The following LRRC9 variants were observed in gnomAD, a reference collection of about 807,000 sequenced individuals.
The protein encoded by LRRC9 is leucine-rich repeat-containing protein 9.
LRRC9 carries 122 observed loss-of-function variants against 63.2 expected under a neutral mutation model. The ratio of observed to expected loss-of-function variants is 1.93; its 90% CI spans 1.67 to 2.24. The LOEUF is 2.24. Among genes scored for constraint, LRRC9 ranks in the 30% most tolerant of loss-of-function variants. The pLI, the probability that LRRC9 is intolerant of heterozygous loss-of-function variation, is 0.00. For missense variants in LRRC9, 1,071 were observed against 627.7 expected, an observed-to-expected ratio of 1.71 and a Z score of -7.55; for synonymous variants, 366 against 213.1, an observed-to-expected ratio of 1.72 and a Z score of -6.25.
intron 31 of LRRC9, among the ~76,000 whole-genome samples, chr14:60,059,363 C>A (rs1453814408): frequency 6.6e-6 from 1 of 152,042 alleles, no homozygotes; most frequent in Non-Finnish European, 1.5e-5. Context: ...ATTAATAACC[C>A]TACAATGACT....
chr14:59,986,222 A>G lies in LRRC9; in HGVS notation c.2211+998A>G, dbSNP rs536574004. Reference sequence around the variant, plus strand: ...TCTGGCTTTTATTTTGTTATACATCATATAACAAAAATAATTACATATGTG... The same window carrying G: ...TCTGGCTTTTATTTTGTTATACATCGTATAACAAAAATAATTACATATGTG... On this transcript the variant is annotated intron_variant, in intron 17 of 31. Coordinates refer to ENST00000445360, the Ensembl canonical transcript of LRRC9. This position sits in a 1 kb window ranked among gnomAD's most constrained non-coding sequence, Gnocchi z 4.7. Among the ~76,000 whole-genome samples, 4 of 152,300 alleles carry G rather than the reference A, an allele frequency of 2.6e-5. No homozygotes were observed. In the South Asian group the frequency reaches 8.3e-4, roughly 32 times the overall value.
At chr14:60,010,150 G>A (rs1890145274) in intron 23 of LRRC9, among the ~76,000 whole-genome samples, 1 of 152,238 alleles carries the variant, frequency 6.6e-6, no homozygotes, top group South Asian at 2.1e-4. Flanking sequence ...GGGACTCTGT[G>A]TGGGGGCTCC....
At position 59,982,048 on chromosome 14, in the gene LRRC9, C is replaced by G; in HGVS notation, c.2079C>G (p.Tyr693Ter). 1.4e-6 allele frequency: 1 copy of G among 701,096 alleles called. No individual in the cohort carries two copies. The highest frequency in any genetic ancestry group is 2.6e-6 in the Non-Finnish European group (1 of 384,406). 43.4% of individuals were successfully genotyped at this position (701,096 alleles called of 1,614,324 possible). A position where few individuals can be genotyped will look rare whatever the true frequency, so the allele number is the denominator to read the frequency against. Residue 693 changes from tyrosine (Y) to a stop codon, truncating the protein, a stop_gained, in exon 16 of 32, where the codon TAC becomes TAG. Coordinates refer to ENST00000445360, the Ensembl canonical transcript of LRRC9. LOFTEE classifies it high-confidence loss of function. Reference sequence around the variant, plus strand: ...TTTCCCTTGCAAAGACTAGCGTTTACAGTCATATTGTGGTGAGTATTGTGA... The same window carrying G: ...TTTCCCTTGCAAAGACTAGCGTTTAGAGTCATATTGTGGTGAGTATTGTGA...
rs534703516 is a variant in LRRC9 at position 60,051,045 on chromosome 14, G to A, written c.3991-2020G>A. On this transcript the variant is annotated intron_variant, in intron 29 of 31. Transcript: ENST00000445360. This position sits in a 1 kb window ranked among gnomAD's most constrained non-coding sequence, Gnocchi z 4.7. ...GACCCCTGTTAAGAGTTCTCACCCA[G>A]TCAGGAGGAACAGGATCAAGGACAC... 5.3e-5 allele frequency among the ~76,000 whole-genome samples: 8 copies of A among 152,318 alleles called. No individual in the cohort carries two copies. Among genetic ancestry groups the A allele is most frequent in the Admixed American group, 5.2e-4 (8 of 15,306 alleles).
intron 29 of LRRC9, among the ~76,000 whole-genome samples, chr14:60,044,976 G>A (rs1253702026): frequency 2.7e-5 from 4 of 150,526 alleles, no homozygotes; most frequent in African/African-American, 9.7e-5. Context: ...CTAGTGTTCA[G>A]TGCATAGATA....
chr14:60,036,813 C>T (rs751392128), intron 29 of LRRC9, among the ~76,000 whole-genome samples: 4 of 151,748 alleles, frequency 2.6e-5, no homozygotes, highest in East Asian at 1.9e-4. Flanking sequence ...ATGTGCACAA[C>T]GTGCAAGTTT....
intron 30 of LRRC9, among the ~76,000 whole-genome samples, chr14:60,056,158 C>T (rs947464019): frequency 6.6e-6 from 1 of 152,170 alleles, no homozygotes. Context: ...CTGCAAAGTA[C>T]TTTGCCATGT....
At chr14:60,032,765 T>C (rs1892094736) in intron 29 of LRRC9, among the ~76,000 whole-genome samples, 1 of 152,158 alleles carries the variant, frequency 6.6e-6, no homozygotes, top group Admixed American at 6.5e-5. Flanking sequence ...CACTGAGCTT[T>C]TTCCGCACAG....
intron 19 of LRRC9, 32 bp from the exon 20 acceptor site, chr14:60,001,934 C>A: frequency 3.2e-6 from 2 of 623,582 alleles, no homozygotes; most frequent in Admixed American, 2.7e-5. Flanking sequence ...ATACTGTTTC[C>A]TTTTTTCACT....
intron 16 of LRRC9, among the ~76,000 whole-genome samples, chr14:59,982,632 GT>G (rs11315821): frequency 0.75 from 113,321 of 152,094 alleles, 44,387 homozygotes; most frequent in Non-Finnish European, 0.87. Context: ...GAGGGAGTAA[GT>G]TTCCAACACA....
chr14:60,034,595 G>GATAA (rs1319160866), intron 29 of LRRC9, among the ~76,000 whole-genome samples: 1 of 152,206 alleles, frequency 6.6e-6, no homozygotes, highest in East Asian at 1.9e-4. Flanking sequence ...GAGGACATGT[G>GATAA]ATATTTGTCT....
chr14:59,959,759 G>T, intron 8 of LRRC9, 59 bp from the exon 9 acceptor site: 2 of 494,218 alleles, frequency 4.0e-6, no homozygotes, highest in South Asian at 3.7e-5. Context: ...TCTGAATTCC[G>T]ACTTTGCCTA....
At position 59,927,509 on chromosome 14, in the gene LRRC9, G is replaced by A. The variant is rs942412717; in HGVS notation, c.-33-402G>A. On this transcript the variant is annotated intron_variant, in intron 1 of 31. Transcript: ENST00000445360. The surrounding 1 kb of genome is among the most constrained non-coding windows in gnomAD (Gnocchi z 4.4). ...AGAACTGTGTTCACGTTTAGACACC[G>A]CAGTGTAATACAAAGGACAACTAGA... Among the ~76,000 whole-genome samples the A allele has an allele frequency of 5.9e-5, 9 of 152,072 alleles. No homozygotes were observed. Among genetic ancestry groups the A allele is most frequent in the Non-Finnish European group, 1.0e-4 (7 of 67,876 alleles).
At chr14:60,014,613 T>C (rs1185759326) in intron 23 of LRRC9, among the ~76,000 whole-genome samples, 4 of 152,130 alleles carry the variant, frequency 2.6e-5, no homozygotes, top group Non-Finnish European at 5.9e-5. Context: ...AGAAATCTGC[T>C]GTCACTTACA....
intron 28 of LRRC9, among the ~76,000 whole-genome samples, 169 bp downstream of exon 28, chr14:60,028,270 C>G (rs1891713985): frequency 6.6e-6 from 1 of 152,122 alleles, no homozygotes; most frequent in South Asian, 2.1e-4. Flanking sequence ...GAAATATCCA[C>G]CCTACTTCTA....
chr14:59,999,834 TTTA>T (rs1369405021), intron 19 of LRRC9, among the ~76,000 whole-genome samples: 2 of 152,064 alleles, frequency 1.3e-5, no homozygotes, highest in African/African-American at 4.8e-5. Flanking sequence ...AAAGAAATTT[TTTA>T]TTGATAAAAA....
rs539853344 is a variant in LRRC9 at position 59,952,148 on chromosome 14, C to G, written c.882+7404C>G. Among the ~76,000 whole-genome samples the G allele has an allele frequency of 5.9e-5, 9 of 151,802 alleles. No homozygotes were observed. The South Asian group carries it at 6.3e-4, about 11-fold the overall frequency. On this transcript the variant is annotated intron_variant, in intron 8 of 31. Transcript: ENST00000445360. ...CTCAGACTGCTGTGCTAGCAATCAG[C>G]GAGATTCCGTGGGCGTAGGACCCTC...
At chr14:59,957,686 C>G (rs572658586) in intron 8 of LRRC9, among the ~76,000 whole-genome samples, 5 of 152,008 alleles carry the variant, frequency 3.3e-5, no homozygotes, top group Admixed American at 6.6e-5. Flanking sequence ...AGAGGAGTTG[C>G]GATCATTTGG....
intron 23 of LRRC9, among the ~76,000 whole-genome samples, chr14:60,011,465 G>A (rs1362429326): frequency 2.0e-5 from 3 of 152,084 alleles, no homozygotes; most frequent in East Asian, 1.9e-4. Context: ...TTTTCACTTT[G>A]CCTAAAAGCT....
Sources: gnomAD v4.1 joint callset for allele counts (sites outside exome capture counted in the v4.1 genomes callset) on GRCh38, gnomAD v4.1.1 for gene constraint, Gnocchi (gnomAD v3.1) non-coding constraint, MANE v1.5 for transcripts, NCBI Gene and HGNC (gene_info 2026-07-23, HGNC 2026-07-21) for gene names.